PMP22: variants seen among roughly 807,000 people sequenced by gnomAD.
PMP22 encodes the protein Charcot-Marie-Tooth neuropathy 1A (greatly reduced nerve conduction velocity, hereditary motor sensory neuropathy Ia).
Under a neutral mutation model 18.9 loss-of-function variants are expected in PMP22, and 2 were observed. The observed-to-expected ratio is 0.11, with a 90% CI of 0.04 to 0.33. The LOEUF is 0.33. Ranked by LOEUF, PMP22 falls within the 10% of genes least tolerant of loss-of-function variation. PMP22 has a pLI of 1.00. For missense variants in PMP22, 169 were observed against 202.2 expected, an observed-to-expected ratio of 0.84 and a Z score of 1.00; for synonymous variants, 95 against 89.2, an observed-to-expected ratio of 1.07 and a Z score of -0.37.
At chr17:15,240,106 G>A (rs1907193062) in intron 3 of PMP22, among the ~76,000 whole-genome samples, 1 of 152,196 alleles carries the variant, frequency 6.6e-6, no homozygotes, top group Non-Finnish European at 1.5e-5. Flanking sequence ...TCCTTCCAGT[G>A]TTGGTGCAAA....
At chr17:15,243,760 T>C (rs1007964797) in intron 3 of PMP22, among the ~76,000 whole-genome samples, 2 of 147,886 alleles carry the variant, frequency 1.4e-5, no homozygotes, top group African/African-American at 2.5e-5. Flanking sequence ...AGTATATATG[T>C]TCAAGTGCTT....
rs533618640 is a variant in PMP22 at position 15,230,962 on chromosome 17, G to A, written c.438C>T (p.Ala146=). Residue 146 remains alanine (A), a synonymous_variant, in exon 5 of 5, where the codon GCC becomes GCT. Coordinates refer to ENST00000312280, the MANE Select transcript of PMP22 (RefSeq NM_000304.4). ...YILAWVAFPL[A]LLSGVIYVIL... ...TCACATAGATGACACCGCTGAGAAG[G>A]GCCAGGGGGAAGGCCACCCAGGCCA... 7.4e-6 allele frequency: 12 copies of A among 1,614,166 alleles called. No homozygotes were observed. The highest frequency in any genetic ancestry group is 5.5e-5 in the South Asian group (5 of 91,086).
chr17:15,259,380 C>T (rs1472046652), intron 2 of PMP22, among the ~76,000 whole-genome samples, 187 bp from the exon 3 acceptor site: 2 of 152,130 alleles, frequency 1.3e-5, no homozygotes, highest in African/African-American at 4.8e-5. Flanking sequence ...GTTCCACATG[C>T]ACACAGAAAC....
At chr17:15,247,229 C>T (rs1360956562) in intron 3 of PMP22, among the ~76,000 whole-genome samples, 2 of 151,432 alleles carry the variant, frequency 1.3e-5, no homozygotes, top group South Asian at 4.2e-4. Flanking sequence ...ATTAGCTGGG[C>T]GTGGTGGCGG....
At chr17:15,233,093 G>C (rs927150181) in intron 4 of PMP22, among the ~76,000 whole-genome samples, 3 of 152,212 alleles carry the variant, frequency 2.0e-5, no homozygotes, top group Admixed American at 2.0e-4. Context: ...ATGATTCTTT[G>C]GCTGGGTTCC....
intron 3 of PMP22, among the ~76,000 whole-genome samples, chr17:15,243,108 C>T (rs111960567): frequency 1.1e-4 from 17 of 151,926 alleles, no homozygotes; most frequent in African/African-American, 3.9e-4. Context: ...ACTACACTTT[C>T]AACTCAAGAA....
Position 15,242,505 on chromosome 17 carries a change from A to G in PMP22, c.179-2894T>C, listed in dbSNP as rs75222742. 2.1e-3 allele frequency among the ~76,000 whole-genome samples: 319 copies of G among 152,294 alleles called. 7 individuals are homozygous for G. The East Asian group carries it at 0.041, about 20-fold the overall frequency. On this transcript the variant is annotated intron_variant, in intron 3 of 4. Transcript: ENST00000312280. Reference sequence around the variant, plus strand: ...TTTATTTGATCTTTACTTCTGGTTTACATGATCTATGACTGAAGAAAATAA... The same window carrying G: ...TTTATTTGATCTTTACTTCTGGTTTGCATGATCTATGACTGAAGAAAATAA...
At chr17:15,234,386 C>T (rs766162829) in intron 4 of PMP22, among the ~76,000 whole-genome samples, 1 of 152,118 alleles carries the variant, frequency 6.6e-6, no homozygotes, top group African/African-American at 2.4e-5. Context: ...CATTTGAGAG[C>T]CTGGGGCAGA....
intron 1 of PMP22, 75 bp from the exon 2 acceptor site, chr17:15,260,836 C>G (rs1232334216): frequency 3.9e-6 from 4 of 1,025,854 alleles, no homozygotes; most frequent in Admixed American, 2.0e-5. Flanking sequence ...GGGAGGGTCC[C>G]GCGCACTAGC....
intron 1 of PMP22, among the ~76,000 whole-genome samples, chr17:15,263,679 G>T (rs1909522076): frequency 1.3e-5 from 2 of 151,982 alleles, no homozygotes; most frequent in Admixed American, 1.3e-4. Flanking sequence ...ATTATTTTAC[G>T]ATTTGAAAGG....
chr17:15,236,437 C>A (rs1906823782), intron 4 of PMP22, among the ~76,000 whole-genome samples: 2 of 152,124 alleles, frequency 1.3e-5, no homozygotes, highest in Non-Finnish European at 2.9e-5. Context: ...GCAGCCCTCA[C>A]AGCCACTTCC....
intron 1 of PMP22, among the ~76,000 whole-genome samples, chr17:15,262,978 G>A (rs1259462615): frequency 1.3e-5 from 2 of 152,196 alleles, no homozygotes; most frequent in Non-Finnish European, 2.9e-5. Context: ...CTAATAGAGG[G>A]CAGCGGGCGC....
chr17:15,253,493 T>C (rs1327185259), intron 3 of PMP22, among the ~76,000 whole-genome samples: 1 of 152,210 alleles, frequency 6.6e-6, no homozygotes, highest in Non-Finnish European at 1.5e-5. Flanking sequence ...TAGAGGCTTC[T>C]GGACTGTCAC....
At chr17:15,236,052 G>A (rs934953124) in intron 4 of PMP22, among the ~76,000 whole-genome samples, 5 of 150,638 alleles carry the variant, frequency 3.3e-5, no homozygotes, top group East Asian at 2.0e-4. Flanking sequence ...GAGCCACTGC[G>A]CCCCGCCCAC....
chr17:15,250,161 G>A (rs996288648), intron 3 of PMP22, among the ~76,000 whole-genome samples: 12 of 152,036 alleles, frequency 7.9e-5, no homozygotes, highest in Admixed American at 1.3e-4. Flanking sequence ...CTTGTAATCC[G>A]CCCGCCTCAG....
At chr17:15,242,467 A>T (rs1434886653) in intron 3 of PMP22, among the ~76,000 whole-genome samples, 2 of 152,138 alleles carry the variant, frequency 1.3e-5, no homozygotes, top group African/African-American at 4.8e-5. Flanking sequence ...TGTTTCATAG[A>T]GGAAAGATTT....
At position 15,258,839 on chromosome 17, in the gene PMP22, T is replaced by C. The variant is rs1189595419; in HGVS notation, c.178+255A>G. ...TTTTTTTCAATCACAAAAAGCATTA[T>C]CCTAAGTGATCAGGAGGGCACTAAG... On this transcript the variant is annotated intron_variant, in intron 3 of 4. Transcript: ENST00000312280. This position sits in a 1 kb window ranked among gnomAD's most constrained non-coding sequence, Gnocchi z 4.1. The C allele has an allele frequency of 5.6e-6, 3 of 536,394 alleles. No individual in the cohort carries two copies. The highest frequency in any genetic ancestry group is 3.0e-5 in the Admixed American group (1 of 33,140). 33.2% of individuals were successfully genotyped at this position (536,394 alleles called of 1,614,324 possible).
Position 15,231,011 on chromosome 17 carries a change from T to C in PMP22, c.389A>G (p.Tyr130Cys). ...CAGGATGTAGGCGAAACCGTAGGAG[T>C]AATCCGAGTTGAGATGCCACTCCGG... ...RHPEWHLNSDYSYGFAYILAW... is the reference protein window; with the variant it reads ...RHPEWHLNSDCSYGFAYILAW... Residue 130 changes from tyrosine (Y) to cysteine (C), a missense_variant, in exon 5 of 5, where the codon TAC (tyrosine) becomes TGC (cysteine). Coordinates refer to ENST00000312280, the MANE Select transcript of PMP22 (RefSeq NM_000304.4). 2 of 1,613,806 alleles carry C rather than the reference T, an allele frequency of 1.2e-6. No homozygotes were observed. Among genetic ancestry groups the C allele is most frequent in the Non-Finnish European group, 1.7e-6 (2 of 1,179,916 alleles).
chr17:15,247,096 G>A (rs548350809), intron 3 of PMP22, among the ~76,000 whole-genome samples: 91 of 134,232 alleles, frequency 6.8e-4, no homozygotes, highest in African/African-American at 2.4e-3. Context: ...AAGGCCGGGC[G>A]CCGTGGCTCA....
Sources: gnomAD v4.1 joint callset for allele counts (sites outside exome capture counted in the v4.1 genomes callset) on GRCh38, gnomAD v4.1.1 for gene constraint, Gnocchi (gnomAD v3.1) non-coding constraint, MANE v1.5 for transcripts, NCBI Gene and HGNC (gene_info 2026-07-23, HGNC 2026-07-21) for gene names.